CHMP3: variants seen among roughly 807,000 people sequenced by gnomAD.
The protein encoded by CHMP3 is charged multivesicular body protein 3.
In CHMP3, 8 loss-of-function variants were observed where a neutral mutation model predicts 27.4. The ratio of observed to expected loss-of-function variants is 0.29; its 90% confidence interval spans 0.17 to 0.53. The LOEUF is 0.53. CHMP3 is among the 20% of genes least tolerant of loss of function. The pLI is 0.96. For missense variants in CHMP3, 208 were observed against 271.5 expected (o/e 0.77, Z 1.64); for synonymous variants, 86 against 85.5 (o/e 1.01, Z -0.03).
intron 2 of CHMP3, among the ~76,000 whole-genome samples, chr2:86,539,349 C>A (rs1186330419): frequency 6.6e-6 from 1 of 152,136 alleles, no homozygotes; most frequent in Non-Finnish European, 1.5e-5. Context: ...ACTGTCACAA[C>A]AATTCTATGA....
chr2:86,531,390 G>A (rs56324811), intron 2 of CHMP3, among the ~76,000 whole-genome samples: 2,718 of 152,102 alleles, frequency 0.018, 34 homozygotes, highest in Middle Eastern at 0.034. Context: ...TTTGGAGATG[G>A]ATCTATGTTG....
intron 1 of CHMP3, among the ~76,000 whole-genome samples, chr2:86,553,016 A>C (rs1676970310): frequency 9.1e-6 from 1 of 110,470 alleles, no homozygotes; most frequent in South Asian, 3.3e-4. Context: ...CCGGGGGTGG[A>C]GATCGGGTGG....
intron 3 of CHMP3, among the ~76,000 whole-genome samples, chr2:86,519,237 G>A (rs1358713971): frequency 6.6e-6 from 1 of 152,012 alleles, no homozygotes; most frequent in Non-Finnish European, 1.5e-5. Flanking sequence ...AGCCAGGCAT[G>A]GTGGTGGGCA....
chr2:86,510,111 C>A (rs1573236201), intron 4 of CHMP3, among the ~76,000 whole-genome samples: 1 of 152,270 alleles, frequency 6.6e-6, no homozygotes, highest in South Asian at 2.1e-4. Context: ...CTCCTTGGAT[C>A]CCCCACCTCC....
chr2:86,508,266 T>C (rs1674963066), intron 4 of CHMP3, among the ~76,000 whole-genome samples: 1 of 152,196 alleles, frequency 6.6e-6, no homozygotes, highest in Non-Finnish European at 1.5e-5. Flanking sequence ...CAGCCTCCTC[T>C]GTTCTCAAGG....
chr2:86,507,379 A>C, intron 5 of CHMP3, 100 bp downstream of exon 5: 1 of 935,104 alleles, frequency 1.1e-6, no homozygotes, highest in Non-Finnish European at 1.7e-6. Context: ...AAAATGTAGA[A>C]GGGAGTTAAT....
At chr2:86,558,397 T>A (rs1221894556) in intron 1 of CHMP3, among the ~76,000 whole-genome samples, 1 of 152,238 alleles carries the variant, frequency 6.6e-6, no homozygotes, top group Non-Finnish European at 1.5e-5. Context: ...AATGTTTCCC[T>A]AGAGAGTTCC....
chr2:86,536,748 A>G (rs769643225), intron 2 of CHMP3, among the ~76,000 whole-genome samples: 40 of 152,270 alleles, frequency 2.6e-4, no homozygotes, highest in Admixed American at 2.0e-3. Flanking sequence ...CCTATCTTTC[A>G]TCAAATCTAG....
At chr2:86,532,363 C>G (rs1438434213) in intron 2 of CHMP3, among the ~76,000 whole-genome samples, 1 of 152,022 alleles carries the variant, frequency 6.6e-6, no homozygotes, top group East Asian at 1.9e-4. Context: ...GGGTATTATA[C>G]ATATAGTATC....
chr2:86,537,376 G>GT (rs1676188914), intron 2 of CHMP3, among the ~76,000 whole-genome samples: 1 of 151,962 alleles, frequency 6.6e-6, no homozygotes, highest in African/African-American at 2.4e-5. Context: ...TTCACACTTC[G>GT]TTTTTTAACT....
At chr2:86,552,653 T>C (rs1676955228) in intron 1 of CHMP3, among the ~76,000 whole-genome samples, 1 of 152,210 alleles carries the variant, frequency 6.6e-6, no homozygotes, top group Non-Finnish European at 1.5e-5. Context: ...GCCAAAGTTA[T>C]TAGCATCATT....
chr2:86,514,616 G>A (rs998582523), intron 3 of CHMP3, among the ~76,000 whole-genome samples: 5 of 152,178 alleles, frequency 3.3e-5, no homozygotes, highest in Non-Finnish European at 7.3e-5. Context: ...GTCCCACTGT[G>A]TTAACAATAT....
At chr2:86,510,565 C>T in intron 3 of CHMP3, 86 bp from the exon 4 acceptor site, 2 of 1,548,442 alleles carry the variant, frequency 1.3e-6, no homozygotes, top group Non-Finnish European at 1.7e-6. Flanking sequence ...CAATAAATGA[C>T]AGCAGTAGCA....
At chr2:86,509,090 C>T (rs1010932241) in intron 4 of CHMP3, among the ~76,000 whole-genome samples, 15 of 152,194 alleles carry the variant, frequency 9.9e-5, no homozygotes, top group Non-Finnish European at 1.0e-4. Flanking sequence ...GAGCTGAGCC[C>T]CTACTGGGGC....
chr2:86,534,472 A>C (rs1171351842), intron 2 of CHMP3, among the ~76,000 whole-genome samples: 4 of 152,142 alleles, frequency 2.6e-5, no homozygotes, highest in Non-Finnish European at 5.9e-5. Flanking sequence ...CTAGGATTAC[A>C]GGTGTGAGCC....
intron 4 of CHMP3, among the ~76,000 whole-genome samples, chr2:86,508,290 C>G (rs140195811): frequency 6.6e-6 from 1 of 152,352 alleles, no homozygotes; most frequent in African/African-American, 2.4e-5. Context: ...CATGGCACCA[C>G]TGCAGGACAC....
At chr2:86,507,419 G>A in intron 5 of CHMP3, 60 bp downstream of exon 5, 1 of 1,460,072 alleles carries the variant, frequency 6.8e-7, no homozygotes, top group Non-Finnish European at 9.6e-7. Flanking sequence ...AGCTAATTTA[G>A]TGAATGAAGG....
intron 1 of CHMP3, among the ~76,000 whole-genome samples, chr2:86,556,638 T>C (rs1370280333): frequency 6.8e-6 from 1 of 147,674 alleles, no homozygotes; most frequent in Admixed American, 6.6e-5. Context: ...CCTTTAATCA[T>C]CCGCCAGCAG....
intron 1 of CHMP3, among the ~76,000 whole-genome samples, chr2:86,555,386 T>C (rs1677079825): frequency 6.6e-6 from 1 of 151,196 alleles, no homozygotes; most frequent in South Asian, 2.1e-4. Context: ...GAGGCTGCCA[T>C]AACAAAGTAC....
Sources: gnomAD v4.1 joint callset for allele counts (sites outside exome capture counted in the v4.1 genomes callset) on GRCh38, gnomAD v4.1.1 for gene constraint, MANE v1.5 for transcripts, NCBI Gene and HGNC (gene_info 2026-07-23, HGNC 2026-07-21) for gene names.